The following CTNNA2 variants were observed in gnomAD, a reference collection of about 807,000 sequenced individuals.
The protein encoded by CTNNA2 is catenin alpha 2, also known as catenin alpha-2.
CTNNA2 carries 42 observed loss-of-function variants against 101.0 expected under a neutral mutation model. The observed-to-expected ratio is 0.42, with a 90% CI of 0.32 to 0.54. The LOEUF (loss-of-function observed/expected upper bound fraction) is 0.54. Ranked by LOEUF, CTNNA2 falls within the 20% of genes least tolerant of loss-of-function variation. CTNNA2 has a pLI of 0.14. For missense variants in CTNNA2, 871 were observed against 1,223.1 expected (o/e 0.71, Z 4.29); for synonymous variants, 450 against 456.4 (o/e 0.99, Z 0.18).
At chr2:80,218,559 T>C (rs1475891200) in intron 7 of CTNNA2, among the ~76,000 whole-genome samples, 1 of 152,246 alleles carries the variant, frequency 6.6e-6, no homozygotes, top group Non-Finnish European at 1.5e-5. Flanking sequence ...AATTCAGCTC[T>C]GATATGATTA....
chr2:80,003,932 A>G (rs1207282243), intron 7 of CTNNA2, among the ~76,000 whole-genome samples: 1 of 152,184 alleles, frequency 6.6e-6, no homozygotes, highest in Non-Finnish European at 1.5e-5. Context: ...ATGAGGATGT[A>G]AGGCTTGGGC....
At chr2:80,401,795 AG>A (rs1196133380) in intron 8 of CTNNA2, among the ~76,000 whole-genome samples, 1 of 143,146 alleles carries the variant, frequency 7.0e-6, no homozygotes, top group Admixed American at 6.9e-5. Context: ...TGTAAGAGAC[AG>A]AAAAAAAAAA....
intron 8 of CTNNA2, among the ~76,000 whole-genome samples, chr2:80,407,013 A>G (rs1399186660): frequency 6.6e-6 from 1 of 152,034 alleles, no homozygotes; most frequent in Non-Finnish European, 1.5e-5. Flanking sequence ...TTTGGGGTCC[A>G]GTCCAGGTCA....
At chr2:80,042,397 G>T (rs1013592137) in intron 7 of CTNNA2, among the ~76,000 whole-genome samples, 10 of 152,172 alleles carry the variant, frequency 6.6e-5, no homozygotes, top group African/African-American at 2.4e-4. Context: ...TGAGAATCGG[G>T]TTTAATAATA....
At chr2:79,315,484 A>T (rs1558621947) in intron 3 of CTNNA2, among the ~76,000 whole-genome samples, 1 of 151,806 alleles carries the variant, frequency 6.6e-6, no homozygotes. Flanking sequence ...GATCTTTCAT[A>T]AAAATGGAAT....
At chr2:79,592,981 T>C (rs1302527890) in intron 1 of CTNNA2, among the ~76,000 whole-genome samples, 1 of 152,232 alleles carries the variant, frequency 6.6e-6, no homozygotes, top group East Asian at 1.9e-4. Context: ...ATGTGGGGTA[T>C]GGAGAAGCCA....
chr2:79,431,047 C>T (rs982960070), intron 4 of CTNNA2, among the ~76,000 whole-genome samples: 1 of 152,034 alleles, frequency 6.6e-6, no homozygotes, highest in Non-Finnish European at 1.5e-5. Context: ...CACTAATGAC[C>T]AACTTGTCCC....
chr2:79,630,357 A>G (rs1481893134), intron 1 of CTNNA2, among the ~76,000 whole-genome samples: 3 of 152,244 alleles, frequency 2.0e-5, no homozygotes, highest in East Asian at 1.9e-4. Flanking sequence ...TTAAATTCCA[A>G]GAACATTTAA....
At chr2:79,372,284 T>C (rs1322761348) in intron 3 of CTNNA2, among the ~76,000 whole-genome samples, 2 of 152,104 alleles carry the variant, frequency 1.3e-5, no homozygotes, top group Non-Finnish European at 2.9e-5. Context: ...TCTAAAGTAT[T>C]ATTTTTCCTC....
chr2:79,367,969 T>C (rs977042113), intron 3 of CTNNA2, among the ~76,000 whole-genome samples: 1 of 152,174 alleles, frequency 6.6e-6, no homozygotes, highest in Non-Finnish European at 1.5e-5. Context: ...GTGGTAAAGA[T>C]GAAATGCAAT....
chr2:80,574,431 T>C (rs1358252553), intron 13 of CTNNA2, 117 bp downstream of exon 13: 2 of 1,264,158 alleles, frequency 1.6e-6, no homozygotes, highest in African/African-American at 1.5e-5. Context: ...GTAAGCTGTT[T>C]GGCTCCTTAT....
intron 3 of CTNNA2, among the ~76,000 whole-genome samples, chr2:79,331,847 T>C (rs968660678): frequency 9.8e-5 from 15 of 152,326 alleles, no homozygotes; most frequent in African/African-American, 3.4e-4. Flanking sequence ...AGTGAACTAG[T>C]AGATTATTGA....
At chr2:80,430,776 C>A (rs1330689936) in intron 9 of CTNNA2, among the ~76,000 whole-genome samples, 1 of 151,966 alleles carries the variant, frequency 6.6e-6, no homozygotes, top group Non-Finnish European at 1.5e-5. Flanking sequence ...AATATTTGGT[C>A]TTTTGTTATA....
intron 2 of CTNNA2, among the ~76,000 whole-genome samples, chr2:79,241,079 A>G (rs1313342649): frequency 1.3e-5 from 2 of 152,178 alleles, no homozygotes; most frequent in African/African-American, 4.8e-5. Context: ...CACATTCTCA[A>G]TAGGATTTTA....
intron 7 of CTNNA2, among the ~76,000 whole-genome samples, chr2:80,079,458 G>T (rs1275900417): frequency 6.6e-6 from 1 of 152,102 alleles, no homozygotes; most frequent in Non-Finnish European, 1.5e-5. Flanking sequence ...TATGTGCTGG[G>T]AATACCAAGA....
At chr2:80,110,257 C>G (rs1701134953) in intron 7 of CTNNA2, among the ~76,000 whole-genome samples, 1 of 152,160 alleles carries the variant, frequency 6.6e-6, no homozygotes, top group Admixed American at 6.5e-5. Flanking sequence ...GAGTGGGTAT[C>G]TATTAGGTTT....
rs1023663229 is a variant in CTNNA2, at chr2:79,477,558, G to T, written c.-134-27496G>T. Among the ~76,000 whole-genome samples, 6 of 152,050 alleles carry T rather than the reference G, an allele frequency of 3.9e-5. No individual in the cohort carries two copies. The South Asian group carries it at 6.2e-4, about 16-fold the overall frequency. ...TGTGTGTGGATGTGTGAATAAAGGAGAAAAAAATGTGTTTTTAAAACATGT... is the reference window on the plus strand; with the variant it reads ...TGTGTGTGGATGTGTGAATAAAGGATAAAAAAATGTGTTTTTAAAACATGT... On this transcript the variant is annotated intron_variant, in intron 4 of 21. Coordinates refer to the CTNNA2 transcript ENST00000466387.
At chr2:79,888,121 A>G (rs1377462138) in intron 6 of CTNNA2, among the ~76,000 whole-genome samples, 3 of 152,334 alleles carry the variant, frequency 2.0e-5, no homozygotes, top group African/African-American at 7.2e-5. Context: ...AATGTTATGC[A>G]ATGCAAGTCC....
chr2:80,084,370 C>T (rs763536662), intron 7 of CTNNA2, among the ~76,000 whole-genome samples: 2 of 152,152 alleles, frequency 1.3e-5, no homozygotes, highest in African/African-American at 4.8e-5. Flanking sequence ...ATGCTTCTTA[C>T]AGGCACTGCA....
Sources: allele counts gnomAD v4.1 joint callset (sites outside exome capture counted in the v4.1 genomes callset), GRCh38; gene constraint gnomAD v4.1.1; transcripts MANE v1.5; gene names NCBI Gene and HGNC (gene_info 2026-07-23, HGNC 2026-07-21).